The following PRKG1 variants were observed in gnomAD, a reference collection of about 807,000 sequenced individuals.
The protein encoded by PRKG1 is cGMP-dependent protein kinase 1.
A neutral mutation model predicts 88.1 loss-of-function variants in PRKG1; 35 were observed. The ratio of observed to expected loss-of-function variants is 0.40; its 90% CI spans 0.30 to 0.53. PRKG1 has a LOEUF of 0.53. Ranked by LOEUF, PRKG1 falls within the 20% of genes least tolerant of loss-of-function variation. The probability of loss-of-function intolerance (pLI) is 0.59; values close to 1 mark genes in which losing one functional copy is unlikely to be tolerated. For synonymous variants in PRKG1, 303 were observed against 292.5 expected, an observed-to-expected ratio of 1.04 and a Z score of -0.37; for missense variants, 540 against 839.8, an observed-to-expected ratio of 0.64 and a Z score of 4.41.
At chr10:51,832,335 G>A (rs1279768134) in intron 4 of PRKG1, among the ~76,000 whole-genome samples, 1 of 152,152 alleles carries the variant, frequency 6.6e-6, no homozygotes, top group Admixed American at 6.6e-5. Context: ...TGTGCCAGGT[G>A]CATATAGCAT....
At chr10:51,785,921 T>A (rs550497028) in intron 3 of PRKG1, among the ~76,000 whole-genome samples, 10 of 152,276 alleles carry the variant, frequency 6.6e-5, no homozygotes. Flanking sequence ...CTATACAACA[T>A]AATAACGCAT....
intron 2 of PRKG1, among the ~76,000 whole-genome samples, chr10:51,289,074 CCA>C (rs781601338): frequency 6.6e-6 from 1 of 151,940 alleles, no homozygotes; most frequent in Non-Finnish European, 1.5e-5. Context: ...CAAGAAAGTT[CCA>C]CTAGATAACT....
chr10:51,348,423 A>G (rs1256983684), intron 2 of PRKG1, among the ~76,000 whole-genome samples: 2 of 152,152 alleles, frequency 1.3e-5, no homozygotes, highest in African/African-American at 4.8e-5. Context: ...TTTTCCTTAC[A>G]CCGTAAGGCA....
chr10:52,080,912 C>T, intron 7 of PRKG1, among the ~76,000 whole-genome samples: 1 of 152,036 alleles, frequency 6.6e-6, no homozygotes, highest in East Asian at 1.9e-4. Context: ...GAGCTTGATT[C>T]CCTGGCCTCA....
At chr10:52,070,520 G>T (rs1021963741) in intron 7 of PRKG1, among the ~76,000 whole-genome samples, 3 of 151,738 alleles carry the variant, frequency 2.0e-5, no homozygotes, top group African/African-American at 7.3e-5. Flanking sequence ...TGAGAATGCA[G>T]TTTTTTTTCA....
At chr10:52,000,611 T>G (rs1844569285) in intron 5 of PRKG1, among the ~76,000 whole-genome samples, 1 of 152,082 alleles carries the variant, frequency 6.6e-6, no homozygotes, top group African/African-American at 2.4e-5. Flanking sequence ...TTCAGAGATC[T>G]TAGAAGGACT....
intron 5 of PRKG1, among the ~76,000 whole-genome samples, chr10:51,956,047 A>G (rs1843294298): frequency 6.6e-6 from 1 of 152,090 alleles, no homozygotes. Context: ...TTTTGATGAA[A>G]CTGATCTCTA....
chr10:52,100,410 T>C (rs1159292273), intron 7 of PRKG1, among the ~76,000 whole-genome samples: 5 of 152,210 alleles, frequency 3.3e-5, no homozygotes, highest in African/African-American at 1.2e-4. Flanking sequence ...ATTTGTTACA[T>C]GCTAAAATAA....
chr10:51,560,595 G>A (rs1056351439), intron 3 of PRKG1, among the ~76,000 whole-genome samples: 2 of 151,972 alleles, frequency 1.3e-5, no homozygotes, highest in Non-Finnish European at 2.9e-5. Flanking sequence ...GCAATGTCTT[G>A]TGTTATGTAT....
chr10:52,043,307 C>A (rs12240921), intron 5 of PRKG1, among the ~76,000 whole-genome samples: 9,004 of 152,012 alleles, frequency 0.059, 683 homozygotes, highest in East Asian at 0.44. Context: ...TGAAATCATA[C>A]CTTGGCTATT....
At chr10:52,141,377 T>G (rs1837577081) in intron 8 of PRKG1, among the ~76,000 whole-genome samples, 1 of 152,122 alleles carries the variant, frequency 6.6e-6, no homozygotes, top group African/African-American at 2.4e-5. Context: ...TCCTCATGTT[T>G]GCCTGGCTTT....
intron 2 of PRKG1, among the ~76,000 whole-genome samples, chr10:51,228,388 A>G (rs999636941): frequency 6.6e-6 from 1 of 152,142 alleles, no homozygotes; most frequent in South Asian, 2.1e-4. Context: ...TGCTTCCCCA[A>G]GTGACTACTT....
chr10:51,316,974 C>T (rs773441948), intron 2 of PRKG1, among the ~76,000 whole-genome samples: 2 of 152,138 alleles, frequency 1.3e-5, no homozygotes, highest in Non-Finnish European at 2.9e-5. Flanking sequence ...GCCAAGAAAT[C>T]TTCCCACACA....
At chr10:52,060,126 T>C (rs1007184741) in intron 6 of PRKG1, among the ~76,000 whole-genome samples, 5 of 151,812 alleles carry the variant, frequency 3.3e-5, no homozygotes, top group African/African-American at 1.2e-4. Flanking sequence ...TGAGCCCAGA[T>C]AAAGATCCAT....
chr10:52,266,171 A>T (rs903653691), intron 10 of PRKG1, among the ~76,000 whole-genome samples: 14 of 147,212 alleles, frequency 9.5e-5, no homozygotes, highest in African/African-American at 2.5e-4. Context: ...TTAGTTAATG[A>T]ACCAATATTA....
At chr10:51,725,578 A>G (rs1195679117) in intron 3 of PRKG1, among the ~76,000 whole-genome samples, 2 of 151,940 alleles carry the variant, frequency 1.3e-5, no homozygotes, top group African/African-American at 2.4e-5. Flanking sequence ...TCGATAGAGC[A>G]TGCTTATGTT....
intron 7 of PRKG1, among the ~76,000 whole-genome samples, chr10:52,091,605 T>C (rs1472699551): frequency 1.3e-5 from 2 of 152,246 alleles, no homozygotes; most frequent in Non-Finnish European, 2.9e-5. Flanking sequence ...CTTTGACTAA[T>C]ATGATATTTT....
At chr10:51,246,603 A>AG (rs1839297658) in intron 2 of PRKG1, among the ~76,000 whole-genome samples, 1 of 84,566 alleles carries the variant, frequency 1.2e-5, no homozygotes, top group Non-Finnish European at 2.0e-5. Flanking sequence ...AAACAGCAAC[A>AG]GAAAAAAAAG....
rs894341717 is a variant in PRKG1 at position 51,447,290 on chromosome 10, C to G, written c.479-20433C>G. ...ATCTAATGGTAACTGATACATCACTCTCAGCCCCACCCCAGTGCTGCAACT... is the reference window on the plus strand; with the variant it reads ...ATCTAATGGTAACTGATACATCACTGTCAGCCCCACCCCAGTGCTGCAACT... On this transcript the variant is annotated intron_variant, in intron 2 of 17. Transcript: ENST00000373980. 4.6e-4 allele frequency among the ~76,000 whole-genome samples: 70 copies of G among 151,958 alleles called. 3 individuals are homozygous for G. Among genetic ancestry groups the G allele is most frequent in the Admixed American group, 2.0e-4 (3 of 15,210 alleles).
Sources: gnomAD v4.1 joint callset for allele counts (sites outside exome capture counted in the v4.1 genomes callset) on GRCh38, gnomAD v4.1.1 for gene constraint, MANE v1.5 for transcripts, NCBI Gene and HGNC (gene_info 2026-07-23, HGNC 2026-07-21) for gene names.